Variants in HLCS observed in about 807,000 individuals in gnomAD.
The protein encoded by HLCS is biotin--protein ligase.
Under a neutral mutation model 75.0 loss-of-function variants are expected in HLCS, and 53 were observed. That is an observed-to-expected ratio of 0.71 (90% CI 0.57 to 0.89). The LOEUF is 0.89. Ranked by LOEUF, HLCS falls within the 40% of genes least tolerant of loss-of-function variation. The pLI is 0.00. For missense variants in HLCS, 966 were observed against 1,074.0 expected (o/e 0.90, Z 1.41); for synonymous variants, 431 against 428.6 (o/e 1.01, Z -0.07).
intron 5 of HLCS, among the ~76,000 whole-genome samples, chr21:36,899,146 C>T (rs551727219): frequency 6.6e-6 from 1 of 152,166 alleles, no homozygotes; most frequent in African/African-American, 2.4e-5. Context: ...GTAAAATTTA[C>T]CCCCAAAATA....
intron 6 of HLCS, among the ~76,000 whole-genome samples, chr21:36,837,136 T>C (rs929285835): frequency 1.3e-5 from 2 of 152,166 alleles, no homozygotes; most frequent in African/African-American, 4.8e-5. Context: ...TGAGCCAAGA[T>C]TGTGCCACTG....
intron 6 of HLCS, among the ~76,000 whole-genome samples, chr21:36,876,121 G>A (rs1403450772): frequency 6.6e-6 from 1 of 152,068 alleles, no homozygotes; most frequent in Non-Finnish European, 1.5e-5. Context: ...CAGACCCCAA[G>A]CTTGCTCGTT....
rs1308450296 is a variant in HLCS at position 36,936,977 on chromosome 21, G to T, written c.909C>A (p.Asn303Lys). The T allele has an allele frequency of 4.3e-6, 7 of 1,614,010 alleles. No homozygotes were observed. Among genetic ancestry groups the T allele is most frequent in the Non-Finnish European group, 5.9e-6 (7 of 1,180,032 alleles). ...GGATGTTGGGTGCCTTTCCCGTGAG[G>T]TTGACTCTCCTCCCTTCTCTTTCGG... ...TSPEREGRRV[N>K]LTGKAPNILL... The change falls in exon 4 of 11, where the codon AAC (asparagine) becomes AAA (lysine). Residue 303 changes from asparagine to lysine, a missense_variant. Asn to Lys is a moderately conservative substitution (Grantham distance 94). Transcript: ENST00000674895.
At chr21:36,759,443 C>G (rs1312326555) in intron 9 of HLCS, among the ~76,000 whole-genome samples, 1 of 152,176 alleles carries the variant, frequency 6.6e-6, no homozygotes, top group Non-Finnish European at 1.5e-5. Flanking sequence ...TTTATTTTCA[C>G]CATTTCAAAT....
intron 6 of HLCS, among the ~76,000 whole-genome samples, chr21:36,866,636 C>T (rs543035018): frequency 1.3e-5 from 2 of 152,200 alleles, no homozygotes; most frequent in African/African-American, 4.8e-5. Context: ...TTCCTTCGAT[C>T]ATAAAGTCCT....
intron 6 of HLCS, among the ~76,000 whole-genome samples, chr21:36,895,330 T>C (rs1282116619): frequency 2.6e-5 from 4 of 152,208 alleles, no homozygotes; most frequent in Admixed American, 2.6e-4. Flanking sequence ...AAAGGATTAT[T>C]ACAGAGTTTG....
At chr21:36,760,778 G>A (rs1323473309) in intron 8 of HLCS, among the ~76,000 whole-genome samples, 1 of 152,184 alleles carries the variant, frequency 6.6e-6, no homozygotes, top group Non-Finnish European at 1.5e-5. Flanking sequence ...GGCTCTCCCT[G>A]TCATCAGCTT....
rs765288514 is a variant in HLCS, at chr21:36,749,756, G to T, written c.*4490C>A. Reference sequence around the variant, plus strand: ...AAAGGTGTAGGTTTGATTACTAGGAGATACCACCGACATTTTTCAATAAAG... The same window carrying T: ...AAAGGTGTAGGTTTGATTACTAGGATATACCACCGACATTTTTCAATAAAG... On this transcript the variant is annotated 3_prime_UTR_variant, in exon 11 of 11. Coordinates refer to ENST00000674895, the MANE Select transcript of HLCS (RefSeq NM_001352514.2). 6.6e-6 allele frequency: 1 copy of T among 152,122 alleles called. No homozygotes were observed. The highest frequency in any genetic ancestry group is 2.4e-5 in the African/African-American group (1 of 41,436). The allele number at this position is 152,122 out of a possible 1,614,324, so 9.4% of individuals were successfully genotyped here. A position where few individuals can be genotyped will look rare whatever the true frequency, so the allele number is the denominator to read the frequency against.
At chr21:36,858,796 TCCAGGTGAAGAGGAAGC>T (rs923539016) in intron 6 of HLCS, among the ~76,000 whole-genome samples, 13 of 152,246 alleles carry the variant, frequency 8.5e-5, no homozygotes, top group Admixed American at 5.2e-4. Context: ...GCAAGTGCCT[TCCAGGTGAAGAGGAAGC>T]CCATGCACAA....
intron 5 of HLCS, among the ~76,000 whole-genome samples, chr21:36,907,095 T>C (rs988431147): frequency 4.6e-5 from 7 of 152,098 alleles, no homozygotes; most frequent in Admixed American, 3.9e-4. Context: ...ATCTTTGCAA[T>C]ACATGGTGCT....
intron 6 of HLCS, among the ~76,000 whole-genome samples, chr21:36,892,824 C>G (rs1026703734): frequency 6.6e-6 from 1 of 152,202 alleles, no homozygotes; most frequent in African/African-American, 2.4e-5. Flanking sequence ...AATTTCACTC[C>G]TACTTCAGCC....
intron 6 of HLCS, among the ~76,000 whole-genome samples, chr21:36,892,338 C>T (rs1026862226): frequency 6.6e-6 from 1 of 152,156 alleles, no homozygotes; most frequent in Non-Finnish European, 1.5e-5. Context: ...GAGGGCAGAA[C>T]GCGGGTTGCC....
At chr21:36,779,206 T>C (rs2060453129) in intron 6 of HLCS, among the ~76,000 whole-genome samples, 1 of 152,158 alleles carries the variant, frequency 6.6e-6, no homozygotes, top group Non-Finnish European at 1.5e-5. Context: ...CTGCTTTGGT[T>C]GAAAAAATTC....
intron 6 of HLCS, among the ~76,000 whole-genome samples, chr21:36,836,324 T>C (rs1047488044): frequency 1.3e-5 from 2 of 152,086 alleles, no homozygotes. Context: ...AATTTTTTTT[T>C]ATTATACTTT....
chr21:36,894,203 G>C (rs377385994), intron 6 of HLCS, among the ~76,000 whole-genome samples: 3 of 152,254 alleles, frequency 2.0e-5, no homozygotes, highest in African/African-American at 7.2e-5. Flanking sequence ...TGCAACGATT[G>C]TAAGTTTCCT....
At chr21:36,977,152 C>T (rs7276371) in intron 1 of HLCS, among the ~76,000 whole-genome samples, 55,877 of 151,638 alleles carry the variant, frequency 0.37, 10,582 homozygotes, top group African/African-American at 0.46. Flanking sequence ...GAGAGCGAAG[C>T]GGTCACAAAT....
At chr21:36,888,225 A>C (rs2064554642) in intron 6 of HLCS, among the ~76,000 whole-genome samples, 1 of 151,536 alleles carries the variant, frequency 6.6e-6, no homozygotes, top group Non-Finnish European at 1.5e-5. Context: ...TCGGGCCTCG[A>C]CTTCAGGGGA....
At chr21:36,888,066 G>A (rs375712530) in intron 6 of HLCS, among the ~76,000 whole-genome samples, 23 of 152,074 alleles carry the variant, frequency 1.5e-4, no homozygotes, top group African/African-American at 4.8e-4. Flanking sequence ...AGGTCTAATC[G>A]CTTCCACCTG....
intron 6 of HLCS, among the ~76,000 whole-genome samples, chr21:36,803,690 A>C (rs1423226387): frequency 6.6e-6 from 1 of 152,208 alleles, no homozygotes; most frequent in Non-Finnish European, 1.5e-5. Context: ...AAGAAAGAAA[A>C]AAAAACTCAT....
Sources: gnomAD v4.1 joint callset for allele counts (sites outside exome capture counted in the v4.1 genomes callset) on GRCh38, gnomAD v4.1.1 for gene constraint, MANE v1.5 for transcripts, NCBI Gene and HGNC (gene_info 2026-07-23, HGNC 2026-07-21) for gene names.